SLC24A3: variants seen among roughly 807,000 people sequenced by gnomAD.
SLC24A3 encodes solute carrier family 24 member 3.
In SLC24A3, 28 loss-of-function variants were observed where a neutral mutation model predicts 75.8. The observed-to-expected ratio is 0.37, with a 90% confidence interval of 0.27 to 0.51. SLC24A3 has a LOEUF of 0.51. SLC24A3 is among the 20% of genes least tolerant of loss of function. The pLI is 0.94. For synonymous variants in SLC24A3, 372 were observed against 334.1 expected, an observed-to-expected ratio of 1.11 and a Z score of -1.24; for missense variants, 663 against 847.8, an observed-to-expected ratio of 0.78 and a Z score of 2.71.
intron 12 of SLC24A3, among the ~76,000 whole-genome samples, chr20:19,688,020 G>C (rs550340553): frequency 1.3e-5 from 2 of 152,278 alleles, no homozygotes; most frequent in East Asian, 3.9e-4. Flanking sequence ...CAGGAGAGAA[G>C]AGACGATACT....
chr20:19,250,244 G>A (rs1263606211), intron 1 of SLC24A3, among the ~76,000 whole-genome samples: 1 of 152,142 alleles, frequency 6.6e-6, no homozygotes, highest in Admixed American at 6.5e-5. Flanking sequence ...TATACAATTT[G>A]CACAAGGTTT....
Position 19,475,629 on chromosome 20 carries a change from T to C in SLC24A3, c.272-39859T>C, listed in dbSNP as rs113414066. The stretch of plus-strand genomic sequence containing the variant: ...ACTCAATCTTTTATTTGCATTATAA[T>C]GACAAAAAAAGAAATAATAAAATAA... On this transcript the variant is annotated intron_variant, in intron 2 of 16. Transcript: ENST00000328041. Among the ~76,000 whole-genome samples the C allele has an allele frequency of 9.7e-3, 1,478 of 152,184 alleles. 25 individuals carry two copies. Among genetic ancestry groups the C allele is most frequent in the South Asian group, 0.039 (189 of 4,820 alleles).
chr20:19,592,292 G>C (rs984488746), intron 6 of SLC24A3, among the ~76,000 whole-genome samples: 2 of 152,128 alleles, frequency 1.3e-5, no homozygotes, highest in Non-Finnish European at 2.9e-5. Flanking sequence ...CCATTTGTTA[G>C]TCAGGGGTTT....
At chr20:19,521,507 T>A (rs2103701) in intron 3 of SLC24A3, among the ~76,000 whole-genome samples, 1 of 152,046 alleles carries the variant, frequency 6.6e-6, no homozygotes, top group Admixed American at 6.5e-5. Context: ...GGATGTGTTC[T>A]TGAAGGAGCA....
chr20:19,567,432 A>T (rs758551015), intron 3 of SLC24A3, among the ~76,000 whole-genome samples: 10 of 152,184 alleles, frequency 6.6e-5, no homozygotes, highest in Non-Finnish European at 1.5e-4. Context: ...GCATATTCTC[A>T]CTTACAAGTG....
At chr20:19,459,570 G>A (rs1168323451) in intron 2 of SLC24A3, among the ~76,000 whole-genome samples, 1 of 152,186 alleles carries the variant, frequency 6.6e-6, no homozygotes, top group African/African-American at 2.4e-5. Flanking sequence ...TTGACATACT[G>A]CAATATTCAA....
At chr20:19,280,920 G>T (rs1983642382) in intron 1 of SLC24A3, 39 bp from the exon 2 acceptor site, 1 of 1,605,876 alleles carries the variant, frequency 6.2e-7, no homozygotes, top group South Asian at 1.1e-5. Context: ...CTGAAACCCA[G>T]CTGTGAATGA....
At chr20:19,632,411 T>C (rs1347970682) in intron 6 of SLC24A3, among the ~76,000 whole-genome samples, 3 of 152,146 alleles carry the variant, frequency 2.0e-5, no homozygotes, top group Admixed American at 6.5e-5. Flanking sequence ...AGCGGCCACC[T>C]ACCTTCCTTG....
At chr20:19,236,942 T>G (rs576735431) in intron 1 of SLC24A3, among the ~76,000 whole-genome samples, 5 of 151,958 alleles carry the variant, frequency 3.3e-5, no homozygotes, top group Admixed American at 3.3e-4. Context: ...TTCGGTAGAG[T>G]TTCCCTCTTC....
At chr20:19,657,521 T>C (rs531784080) in intron 7 of SLC24A3, among the ~76,000 whole-genome samples, 1 of 152,378 alleles carries the variant, frequency 6.6e-6, no homozygotes, top group African/African-American at 2.4e-5. Context: ...TGGAGTCAGT[T>C]TTCAGATTCC....
At chr20:19,388,567 C>T (rs1986311822) in intron 2 of SLC24A3, among the ~76,000 whole-genome samples, 1 of 152,026 alleles carries the variant, frequency 6.6e-6, no homozygotes, top group South Asian at 2.1e-4. Flanking sequence ...AAAAATTAGC[C>T]GGGCGTGGTG....
chr20:19,599,225 G>A (rs1751695485), intron 6 of SLC24A3, among the ~76,000 whole-genome samples: 1 of 152,226 alleles, frequency 6.6e-6, no homozygotes, highest in South Asian at 2.1e-4. Flanking sequence ...CTTGATCTCT[G>A]TGGGGCACAC....
chr20:19,587,280 T>A (rs2031311230), intron 6 of SLC24A3, among the ~76,000 whole-genome samples: 1 of 152,212 alleles, frequency 6.6e-6, no homozygotes, highest in Non-Finnish European at 1.5e-5. Context: ...GCCACACAAC[T>A]AATTACTTAT....
At position 19,449,347 on chromosome 20, in the gene SLC24A3, G is replaced by T. The variant is rs568868759; in HGVS notation, c.272-66141G>T. ...CTGACAGTGGGATTCTGCCCCAGAT[G>T]TGGGATGTGCCTCACAGCCACAGTG... On this transcript the variant is annotated intron_variant, in intron 2 of 16. Transcript: ENST00000328041. Among the ~76,000 whole-genome samples the T allele has an allele frequency of 3.0e-4, 45 of 152,340 alleles. 1 individual carries two copies. The South Asian group carries it at 9.3e-3, about 32-fold the overall frequency.
chr20:19,407,485 G>A (rs4814850), intron 2 of SLC24A3, among the ~76,000 whole-genome samples: 48,666 of 152,090 alleles, frequency 0.32, 9,409 homozygotes, highest in Middle Eastern at 0.52. Context: ...GGACACAGAG[G>A]AGGGAAAATA....
intron 2 of SLC24A3, among the ~76,000 whole-genome samples, chr20:19,334,416 A>T (rs1178408453): frequency 6.7e-6 from 1 of 150,068 alleles, no homozygotes; most frequent in Non-Finnish European, 1.5e-5. Context: ...AAGTATATGA[A>T]GTATATCAAC....
At chr20:19,421,963 C>A (rs1018805406) in intron 2 of SLC24A3, among the ~76,000 whole-genome samples, 1 of 152,140 alleles carries the variant, frequency 6.6e-6, no homozygotes, top group Admixed American at 6.5e-5. Context: ...CCACTGTGGA[C>A]ACCGGGAACC....
chr20:19,280,888 G>A (rs958570359), intron 1 of SLC24A3, 71 bp from the exon 2 acceptor site: 84 of 1,547,430 alleles, frequency 5.4e-5, no homozygotes, highest in South Asian at 2.5e-4. Context: ...TCAGGGCAGC[G>A]GGCATGCAGC....
At position 19,722,848 on chromosome 20, in the gene SLC24A3, G is replaced by A. The variant is rs2033118593; in HGVS notation, c.*1708G>A. ...GTTGCACATTTTGCACTGGTTTATGGCGATTGTTTTCTTGGACGGATAGTG... is the reference window on the plus strand; with the variant it reads ...GTTGCACATTTTGCACTGGTTTATGACGATTGTTTTCTTGGACGGATAGTG... On this transcript the variant is annotated 3_prime_UTR_variant, in exon 17 of 17. Transcript: ENST00000328041. The A allele has an allele frequency of 6.6e-6, 1 of 152,614 alleles. No individual in the cohort carries two copies. Among genetic ancestry groups the A allele is most frequent in the South Asian group, 2.1e-4 (1 of 4,832 alleles). 9.5% of individuals were successfully genotyped at this position (152,614 alleles called of 1,614,324 possible). A position where few individuals can be genotyped will look rare whatever the true frequency, so the allele number is the denominator to read the frequency against.
Sources: allele counts gnomAD v4.1 joint callset (sites outside exome capture counted in the v4.1 genomes callset), GRCh38; gene constraint gnomAD v4.1.1; transcripts MANE v1.5; gene names NCBI Gene and HGNC (gene_info 2026-07-23, HGNC 2026-07-21).